Variants in SMARCA1 observed in about 807,000 individuals in gnomAD.
The protein encoded by SMARCA1 is SNF2 related chromatin remodeling ATPase 1.
SMARCA1 carries 17 observed loss-of-function variants against 93.6 expected under a neutral mutation model. The observed-to-expected ratio is 0.18, with a 90% confidence interval of 0.12 to 0.27. The LOEUF (loss-of-function observed/expected upper bound fraction) is 0.27, where lower values mean the gene tolerates loss of function less well. Among genes scored for constraint, SMARCA1 ranks in the 10% least tolerant of loss-of-function variants. SMARCA1 has a pLI of 1.00. For missense variants in SMARCA1, 630 were observed against 819.0 expected (o/e 0.77, Z 2.82); for synonymous variants, 271 against 271.4 (o/e 1.00, Z 0.01).
intron 9 of SMARCA1, among the ~76,000 whole-genome samples, chrX:129,503,805 T>C (rs1934660951): frequency 9.3e-6 from 1 of 106,972 alleles, no homozygotes; most frequent in South Asian, 4.2e-4. Context: ...CTACTAAAAA[T>C]ACAAAAATTA....
intron 18 of SMARCA1, 27 bp downstream of exon 18, chrX:129,481,048 A>C (rs1340717018): frequency 1.0e-6 from 1 of 991,385 alleles, no homozygotes; most frequent in Non-Finnish European, 1.4e-6. Context: ...ACTTTAGGAC[A>C]TAAAAACTGG....
At chrX:129,483,185 T>C (rs1933758051) in intron 17 of SMARCA1, among the ~76,000 whole-genome samples, 1 of 112,238 alleles carries the variant, frequency 8.9e-6, no homozygotes, top group African/African-American at 3.2e-5. Flanking sequence ...GTCAGTGATA[T>C]ACACATGAAT....
At chrX:129,454,783 C>T (rs1932511688) in intron 23 of SMARCA1, among the ~76,000 whole-genome samples, 1 of 111,515 alleles carries the variant, frequency 9.0e-6, no homozygotes, top group Non-Finnish European at 1.9e-5. Context: ...TCTCCTAATG[C>T]TATCCCTCCC....
At chrX:129,478,778 T>C (rs1933508294) in intron 19 of SMARCA1, among the ~76,000 whole-genome samples, 1 of 112,287 alleles carries the variant, frequency 8.9e-6, no homozygotes, top group African/African-American at 3.2e-5. Context: ...ATTTTTTTAA[T>C]TGTTGCTACT....
In SMARCA1 at chrX:129,465,899, C is replaced by T. The variant is rs763525893; in HGVS notation, c.2762G>A (p.Arg921His). ...CCTTCGTTGAATTCTTGCTTCTCCA[C>T]GTTCAATTTGAGCCATAATTTTCTC... Reference protein sequence around the residue: ...DIEKIMAQIERGEARIQRRIS... With the variant: ...DIEKIMAQIEHGEARIQRRIS... Residue 921 changes from arginine (R) to histidine (H), a missense_variant, in exon 22 of 25, where the codon CGT becomes CAT. Arg to His is a conservative substitution (Grantham distance 29, BLOSUM62 0). Around this residue, in one of 4 missense-constraint regions of SMARCA1, gnomAD observed 93 missense variants for 160.8 expected, o/e 0.58. Transcript: ENST00000371121. 8.4e-7 allele frequency: 1 copy of T among 1,187,276 alleles called. No homozygotes were observed. Among genetic ancestry groups the T allele is most frequent in the Non-Finnish European group, 1.1e-6 (1 of 883,250 alleles).
intron 20 of SMARCA1, among the ~76,000 whole-genome samples, chrX:129,470,977 CTT>C (rs945512697): frequency 2.2e-4 from 25 of 112,135 alleles, no homozygotes; most frequent in African/African-American, 7.8e-4. Flanking sequence ...ATACTTGACA[CTT>C]ATATTTTGCA....
Position 129,448,612 on chromosome X carries a change from G to A in SMARCA1, c.3031-169C>T, listed in dbSNP as rs370333184. On this transcript the variant is annotated intron_variant, in intron 23 of 24. Coordinates refer to ENST00000371121, the MANE Select transcript of SMARCA1 (RefSeq NM_001282874.2). ...TAGATTCCACCAGAATTAGGAGTGGGGGTAAATGTCATTTATGGATGACTG... is the reference window on the plus strand; with the variant it reads ...TAGATTCCACCAGAATTAGGAGTGGAGGTAAATGTCATTTATGGATGACTG... 4.1e-3 allele frequency among the ~76,000 whole-genome samples: 458 copies of A among 110,761 alleles called. 1 individual carries two copies. Among genetic ancestry groups the A allele is most frequent in the African/African-American group, 0.014 (435 of 30,464 alleles).
intron 17 of SMARCA1, among the ~76,000 whole-genome samples, chrX:129,486,607 TC>T (rs1933897653): frequency 9.0e-6 from 1 of 111,216 alleles, no homozygotes; most frequent in Admixed American, 9.7e-5. Context: ...ATCATCAGAA[TC>T]CCTCTATGAT....
chrX:129,488,695 A>G (rs985784560), intron 16 of SMARCA1, among the ~76,000 whole-genome samples: 1 of 110,194 alleles, frequency 9.1e-6, no homozygotes, highest in Admixed American at 9.7e-5. Flanking sequence ...AGTATTTTCA[A>G]TAAAGCATTA....
chrX:129,474,032 T>C lies in SMARCA1; in HGVS notation c.2443-2706A>G, dbSNP rs780854153. 8.0e-5 allele frequency among the ~76,000 whole-genome samples: 9 copies of C among 111,958 alleles called. No individual in the cohort carries two copies. The South Asian group carries it at 3.0e-3, about 37-fold the overall frequency. ...AGTGTTTCTGGGTAAAATGTACTTA[T>C]GTCTGCAACTTTGAGATGCATAATA... On this transcript the variant is annotated intron_variant, in intron 19 of 24. Transcript: ENST00000371121.
chrX:129,466,837 TAAAAA>T (rs35808392), intron 21 of SMARCA1, among the ~76,000 whole-genome samples: 136 of 81,069 alleles, frequency 1.7e-3, no homozygotes, highest in African/African-American at 5.4e-3. Flanking sequence ...CCTTTTCTCA[TAAAAA>T]AAAAAAAAAA....
chrX:129,458,906 C>T (rs762160461), intron 23 of SMARCA1, among the ~76,000 whole-genome samples: 14 of 112,021 alleles, frequency 1.2e-4, no homozygotes, highest in Non-Finnish European at 1.7e-4. Flanking sequence ...CTTTTTTAAT[C>T]GATGTCTTCA....
intron 9 of SMARCA1, among the ~76,000 whole-genome samples, chrX:129,502,116 C>T (rs1326263035): frequency 9.0e-6 from 1 of 111,248 alleles, no homozygotes; most frequent in African/African-American, 3.3e-5. Context: ...AAAAGATATC[C>T]TTAAGAGTTT....
In SMARCA1 at chrX:129,487,087, T is replaced by C. The variant is rs1267383873; in HGVS notation, c.2148A>G (p.Arg716=). ...RLQKMGESSL[R]NFRMDIEQSL... ...TTTGTTCAATGTCCATTCTAAAATT[T>C]CTTAGAGAAGACTCTCCCATTTTTT... Residue 716 remains arginine, a synonymous_variant, in exon 17 of 25, where the codon AGA becomes AGG. Coordinates refer to ENST00000371121, the MANE Select transcript of SMARCA1 (RefSeq NM_001282874.2). 3 of 1,169,519 alleles carry C rather than the reference T, an allele frequency of 2.6e-6. No individual in the cohort carries two copies. In the African/African-American group the frequency reaches 5.3e-5, roughly 21 times the overall value.
At chrX:129,470,313 CAAT>C (rs1214424997) in intron 20 of SMARCA1, among the ~76,000 whole-genome samples, 2 of 110,184 alleles carry the variant, frequency 1.8e-5, no homozygotes, top group African/African-American at 6.6e-5. Flanking sequence ...CTCATGATAG[CAAT>C]AATGACTTAA....
chrX:129,448,344 T>C lies in SMARCA1; in HGVS notation c.3130A>G (p.Lys1044Glu). ...GCTGAAAATTTTACCATTGGAGTTT[T>C]AGTTGCCCGTTTCTTCTTTTCTGCT... ...ERAEKKKRAT[K>E]TPMSQKRKAE... The change falls in exon 24 of 25, where the codon AAA (lysine) becomes GAA (glutamate). Residue 1044 changes from lysine to glutamate, a missense_variant. Coordinates refer to ENST00000371121, the MANE Select transcript of SMARCA1 (RefSeq NM_001282874.2). 4.1e-6 allele frequency: 5 copies of C among 1,205,226 alleles called. No homozygotes were observed. Among genetic ancestry groups the C allele is most frequent in the Non-Finnish European group, 5.6e-6 (5 of 890,535 alleles).
chrX:129,466,361 G>A (rs1028372369), intron 21 of SMARCA1, among the ~76,000 whole-genome samples: 5 of 111,371 alleles, frequency 4.5e-5, no homozygotes, highest in East Asian at 5.7e-4. Flanking sequence ...CCTAGCATGC[G>A]AAAACAATTA....
chrX:129,471,385 GTA>G, intron 19 of SMARCA1, 59 bp from the exon 20 acceptor site: 1 of 763,227 alleles, frequency 1.3e-6, no homozygotes, highest in Non-Finnish European at 1.9e-6. Context: ...TACTAAGGCT[GTA>G]TATACACATA....
intron 1 of SMARCA1, among the ~76,000 whole-genome samples, chrX:129,522,022 C>T (rs1429975789): frequency 1.8e-5 from 2 of 111,826 alleles, no homozygotes; most frequent in African/African-American, 3.3e-5. Context: ...ATCTCTAAAG[C>T]ATAATTACCC....
Sources: gnomAD v4.1 joint callset for allele counts (sites outside exome capture counted in the v4.1 genomes callset) on GRCh38, gnomAD v4.1.1 for gene constraint, gnomAD v4.1.1 regional missense constraint, MANE v1.5 for transcripts, NCBI Gene and HGNC (gene_info 2026-07-23, HGNC 2026-07-21) for gene names.